Variants in SEPTIN7 observed in about 807,000 individuals in gnomAD.
SEPTIN7 encodes the protein septin 7.
In SEPTIN7, 10 loss-of-function variants were observed where a neutral mutation model predicts 63.3. That is an observed-to-expected ratio of 0.16 (90% CI 0.10 to 0.27). SEPTIN7 has a LOEUF of 0.27. Among genes scored for constraint, SEPTIN7 ranks in the 10% least tolerant of loss-of-function variants. The probability of loss-of-function intolerance (pLI) is 1.00; values close to 1 mark genes in which losing one functional copy is unlikely to be tolerated. For synonymous variants in SEPTIN7, 131 were observed against 165.3 expected (o/e 0.79, Z 1.59); for missense variants, 310 against 521.0 (o/e 0.59, Z 3.94).
chr7:35,880,177 T>C (rs1786745917), intron 7 of SEPTIN7, among the ~76,000 whole-genome samples: 1 of 110,596 alleles, frequency 9.0e-6, no homozygotes, highest in African/African-American at 3.6e-5. Context: ...CTCTTTAGAA[T>C]TATTTTCTTT....
At chr7:35,806,915 G>C (rs1279414586) in intron 1 of SEPTIN7, among the ~76,000 whole-genome samples, 1 of 152,168 alleles carries the variant, frequency 6.6e-6, no homozygotes, top group Non-Finnish European at 1.5e-5. Context: ...TAAATGATAG[G>C]CCTGGGATGG....
chr7:35,863,779 A>C (rs557726367), intron 4 of SEPTIN7, 121 bp downstream of exon 4: 1 of 498,898 alleles, frequency 2.0e-6, no homozygotes, highest in East Asian at 3.3e-5. Context: ...TAGCCAGTGT[A>C]TGATGGTAAA....
intron 3 of SEPTIN7, among the ~76,000 whole-genome samples, chr7:35,862,539 T>C (rs1785565579): frequency 6.6e-6 from 1 of 152,136 alleles, no homozygotes; most frequent in South Asian, 2.1e-4. Context: ...CCAACCCATG[T>C]TACTTTCCTG....
intron 1 of SEPTIN7, among the ~76,000 whole-genome samples, chr7:35,813,067 T>G (rs761401903): frequency 2.0e-5 from 3 of 152,188 alleles, no homozygotes; most frequent in Non-Finnish European, 2.9e-5. Flanking sequence ...GTAACAACTG[T>G]CATTTATTGT....
chr7:35,830,623 A>T (rs1783787767), intron 1 of SEPTIN7, among the ~76,000 whole-genome samples: 1 of 152,212 alleles, frequency 6.6e-6, no homozygotes, highest in East Asian at 1.9e-4. Flanking sequence ...GTCATGGAAT[A>T]ATTTTGTAAT....
chr7:35,895,927 C>G (rs1207356601), intron 11 of SEPTIN7, among the ~76,000 whole-genome samples: 1 of 152,218 alleles, frequency 6.6e-6, no homozygotes, highest in Non-Finnish European at 1.5e-5. Context: ...TCTCCTGTCT[C>G]AGCCTCCCAA....
At chr7:35,829,022 T>A (rs1288162913) in intron 1 of SEPTIN7, among the ~76,000 whole-genome samples, 2 of 152,128 alleles carry the variant, frequency 1.3e-5, no homozygotes, top group Non-Finnish European at 2.9e-5. Context: ...TACTTCCTAC[T>A]TTGGCTGAGT....
chr7:35,863,245 TAA>T (rs1785611114), intron 3 of SEPTIN7, among the ~76,000 whole-genome samples: 2 of 151,900 alleles, frequency 1.3e-5, no homozygotes, highest in Admixed American at 6.6e-5. Context: ...TTGGATTTTT[TAA>T]TAATGACATT....
intron 5 of SEPTIN7, 98 bp downstream of exon 5, chr7:35,872,864 A>C (rs1326585804): frequency 5.1e-6 from 4 of 785,984 alleles, no homozygotes; most frequent in Non-Finnish European, 8.6e-6. Context: ...CATCTTAGCA[A>C]AGGTCACCAA....
rs1457479183 is a variant in SEPTIN7 at position 35,906,847 on chromosome 7, G to A, written c.*2554G>A. 1 of 152,168 alleles carries A rather than the reference G, an allele frequency of 6.6e-6. No homozygotes were observed. The highest frequency in any genetic ancestry group is 1.5e-5 in the Non-Finnish European group (1 of 68,042). The allele number at this position is 152,168 out of a possible 1,614,324, so 9.4% of individuals were successfully genotyped here. A position where few individuals can be genotyped will look rare whatever the true frequency, so the allele number is the denominator to read the frequency against. ...CCTCTTGGAGAAACTAGGAGTAGAA[G>A]TCAGGATATGGTAGGTAAGGGGGAA... is the stretch of plus-strand genomic sequence containing the variant. On this transcript the variant is annotated 3_prime_UTR_variant, in exon 14 of 14. Transcript: ENST00000350320.
At chr7:35,814,288 A>G (rs1006823593) in intron 1 of SEPTIN7, among the ~76,000 whole-genome samples, 1 of 152,208 alleles carries the variant, frequency 6.6e-6, no homozygotes, top group African/African-American at 2.4e-5. Context: ...AACACCTAGA[A>G]TGGTCACTGC....
intron 4 of SEPTIN7, 80 bp from the exon 5 acceptor site, chr7:35,872,586 G>T: frequency 9.5e-7 from 1 of 1,047,464 alleles, no homozygotes; most frequent in South Asian, 1.4e-5. Context: ...TGATAAACTC[G>T]AACGTCCCTA....
intron 2 of SEPTIN7, 165 bp from the exon 3 acceptor site, chr7:35,832,633 G>T (rs1049789737): frequency 1.7e-6 from 1 of 588,234 alleles, no homozygotes; most frequent in Non-Finnish European, 3.2e-6. Context: ...AAATAATTTT[G>T]TCCATTTAAG....
intron 3 of SEPTIN7, among the ~76,000 whole-genome samples, chr7:35,842,354 A>G (rs1784449838): frequency 1.3e-5 from 2 of 151,788 alleles, no homozygotes; most frequent in African/African-American, 4.8e-5. Context: ...TTTTGAAAAA[A>G]AAAAAACCCT....
In SEPTIN7 at chr7:35,801,123, G is replaced by T; in HGVS notation, c.-87G>T. ...TGCGTAAGCAAGGCAGCTACGCCGG[G>T]CGGCTACGCTGCGGAATCGGCGTAG... On this transcript the variant is annotated 5_prime_UTR_variant, in exon 1 of 14. Transcript: ENST00000350320. The T allele has an allele frequency of 8.8e-7, 1 of 1,132,318 alleles. No individual in the cohort carries two copies. The allele number at this position is 1,132,318 out of a possible 1,614,324, so 70.1% of individuals were successfully genotyped here.
intron 11 of SEPTIN7, 98 bp from the exon 12 acceptor site, chr7:35,898,150 C>A: frequency 1.3e-6 from 1 of 785,662 alleles, no homozygotes; most frequent in Non-Finnish European, 1.9e-6. Flanking sequence ...TTAATAGTGA[C>A]ATATAGCATC....
rs1286754370 is a variant in SEPTIN7, at chr7:35,903,208, T to A, written c.1267T>A (p.Ser423Thr). 3.8e-6 allele frequency: 6 copies of A among 1,576,674 alleles called. No homozygotes were observed. The highest frequency in any genetic ancestry group is 5.1e-6 in the Non-Finnish European group (6 of 1,166,450). ...ACAACGTATTTTAGAACAACAGAAC[T>A]CTTCAAGGTAACTAATAGCAGATTA... The part of the protein sequence containing the change: ...AQQRILEQQN[S>T]SRTLEKNKKK... The change falls in exon 13 of 14, where the codon TCT (serine) becomes ACT (threonine). Residue 423 changes from serine to threonine, a missense_variant. Coordinates refer to ENST00000350320, the MANE Select transcript of SEPTIN7 (RefSeq NM_001788.6).
At chr7:35,913,603 C>CCTTA in the SEPTIN7 span, among the ~76,000 whole-genome samples, 2 of 146,690 alleles carry the variant, frequency 1.4e-5, no homozygotes, top group East Asian at 2.0e-4. Context: ...TTCCTTCCTT[C>CCTTA]TTTCCTTCCT....
chr7:35,819,784 CTGTT>C (rs1214803874), intron 1 of SEPTIN7, among the ~76,000 whole-genome samples: 3 of 151,746 alleles, frequency 2.0e-5, no homozygotes, highest in Non-Finnish European at 4.4e-5. Flanking sequence ...TTTTTTCAAT[CTGTT>C]TGTGTTTGTG....
Sources: allele counts gnomAD v4.1 joint callset (sites outside exome capture counted in the v4.1 genomes callset), GRCh38; gene constraint gnomAD v4.1.1; transcripts MANE v1.5; gene names NCBI Gene and HGNC (gene_info 2026-07-23, HGNC 2026-07-21).